ADARB2: variants seen among roughly 807,000 people sequenced by gnomAD.
ADARB2 encodes the protein inactive double-stranded RNA-specific editase B2.
Under a neutral mutation model 62.2 loss-of-function variants are expected in ADARB2, and 25 were observed. The observed-to-expected ratio is 0.40, with a 90% confidence interval of 0.29 to 0.56. ADARB2 has a LOEUF of 0.56. Ranked by LOEUF, ADARB2 falls within the 20% of genes least tolerant of loss-of-function variation. The probability of loss-of-function intolerance (pLI) is 0.43; values close to 1 mark genes in which losing one functional copy is unlikely to be tolerated. For synonymous variants in ADARB2, 572 were observed against 500.8 expected (o/e 1.14, Z -1.90); for missense variants, 1,071 against 1,077.4 (o/e 0.99, Z 0.08).
At chr10:1,362,391 C>T (rs1415057789) in intron 3 of ADARB2, among the ~76,000 whole-genome samples, 1 of 152,216 alleles carries the variant, frequency 6.6e-6, no homozygotes, top group Non-Finnish European at 1.5e-5. Flanking sequence ...TTGCTCAAGG[C>T]GCCAAGAACC....
At position 1,404,429 on chromosome 10, in the gene ADARB2, G is replaced by T. The variant is rs116043650; in HGVS notation, c.101-25269C>A. Among the ~76,000 whole-genome samples, 858 of 152,370 alleles carry T rather than the reference G, an allele frequency of 5.6e-3. 5 individuals are homozygous for T. The highest frequency in any genetic ancestry group is 0.019 in the African/African-American group (795 of 41,590). On this transcript the variant is annotated intron_variant, in intron 1 of 9. Transcript: ENST00000381312. ...CTGCAGAGATGCTGCCCATTTGCCG[G>T]CTGCCATCCAGCAGACGCCAGGGAG...
intron 1 of ADARB2, among the ~76,000 whole-genome samples, chr10:1,694,279 T>A (rs1834710150): frequency 6.6e-6 from 1 of 152,262 alleles, no homozygotes; most frequent in African/African-American, 2.4e-5. Flanking sequence ...TTTTTGAAAT[T>A]CATGCTTAAA....
chr10:1,500,939 A>G (rs187524410), intron 1 of ADARB2, among the ~76,000 whole-genome samples: 50 of 152,290 alleles, frequency 3.3e-4, no homozygotes, highest in East Asian at 1.5e-3. Flanking sequence ...CAGAAGCCCA[A>G]TCTGTGCTCA....
At chr10:1,471,539 C>T (rs576604180) in intron 1 of ADARB2, among the ~76,000 whole-genome samples, 37 of 152,204 alleles carry the variant, frequency 2.4e-4, no homozygotes, top group African/African-American at 7.5e-4. Flanking sequence ...TACAGGCATA[C>T]GCCACCATGC....
intron 5 of ADARB2, among the ~76,000 whole-genome samples, chr10:1,235,229 A>T (rs190060006): frequency 7.0e-5 from 10 of 143,052 alleles, no homozygotes; most frequent in African/African-American, 2.4e-4. Context: ...AAAGAGCTGT[A>T]GGAAGGCCTG....
chr10:1,622,520 A>G lies in ADARB2; in HGVS notation c.100+114531T>C, dbSNP rs111505216. Reference sequence around the variant, plus strand: ...CAAGAATCCAGTAAAAAGGAGTAAAATTTTGAACAGTCATGCCACTAAAGA... The same window carrying G: ...CAAGAATCCAGTAAAAAGGAGTAAAGTTTTGAACAGTCATGCCACTAAAGA... On this transcript the variant is annotated intron_variant, in intron 1 of 9. Transcript: ENST00000381312. Among the ~76,000 whole-genome samples the G allele has an allele frequency of 6.4e-3, 973 of 152,310 alleles. 16 individuals carry two copies. The highest frequency in any genetic ancestry group is 0.022 in the African/African-American group (928 of 41,574).
At chr10:1,723,296 G>A (rs1588367226) in intron 1 of ADARB2, among the ~76,000 whole-genome samples, 1 of 152,164 alleles carries the variant, frequency 6.6e-6, no homozygotes, top group East Asian at 1.9e-4. Flanking sequence ...CCTGAGTTTT[G>A]TGCTCCTGTC....
chr10:1,600,918 C>A (rs2676742), intron 1 of ADARB2, among the ~76,000 whole-genome samples: 1 of 152,250 alleles, frequency 6.6e-6, no homozygotes, highest in East Asian at 1.9e-4. Context: ...GCAGCCAGCA[C>A]GCAGCTCCTC....
rs1378968233 is a variant in ADARB2, at chr10:1,737,072, T to G, written c.79A>C (p.Arg27=). 5.0e-6 allele frequency: 8 copies of G among 1,611,516 alleles called. 1 individual carries two copies. The highest frequency in any genetic ancestry group is 3.3e-4 in the Middle Eastern group (2 of 6,060). The change falls in exon 1 of 10, where the codon AGG becomes CGG. Residue 27 remains arginine (R), a synonymous_variant. Coordinates refer to ENST00000381312, the MANE Select transcript of ADARB2 (RefSeq NM_018702.4). ...TTACCTTTCCGCTTGGACCTCCGCC[T>G]CCTCCTCCTCTTGGACTTGCATTTG... The part of the protein sequence containing the change: ...QLKCKSKRRR[R]RRSKRKDKVS...
chr10:1,275,207 C>A (rs972934828), intron 3 of ADARB2, among the ~76,000 whole-genome samples: 1 of 152,246 alleles, frequency 6.6e-6, no homozygotes, highest in Non-Finnish European at 1.5e-5. Flanking sequence ...GCATGGCCAG[C>A]AGATGCCAGG....
chr10:1,375,721 G>A (rs943092652), intron 2 of ADARB2, among the ~76,000 whole-genome samples: 1 of 152,172 alleles, frequency 6.6e-6, no homozygotes, highest in Non-Finnish European at 1.5e-5. Flanking sequence ...TGACATATGT[G>A]CGTGCACACA....
intron 1 of ADARB2, among the ~76,000 whole-genome samples, chr10:1,472,305 C>G (rs181463330): frequency 6.6e-6 from 1 of 152,222 alleles, no homozygotes; most frequent in African/African-American, 2.4e-5. Flanking sequence ...AGGAACTGCC[C>G]AAGCAGAGAC....
At chr10:1,407,297 G>A (rs916836620) in intron 1 of ADARB2, among the ~76,000 whole-genome samples, 1 of 152,146 alleles carries the variant, frequency 6.6e-6, no homozygotes, top group African/African-American at 2.4e-5. Flanking sequence ...CTCCTGTGCT[G>A]TCCTCTGTCT....
intron 1 of ADARB2, among the ~76,000 whole-genome samples, chr10:1,709,454 C>T (rs1412277581): frequency 6.6e-6 from 1 of 152,196 alleles, no homozygotes; most frequent in Admixed American, 6.5e-5. Context: ...GATTTGAATT[C>T]CAATGAGCAA....
intron 1 of ADARB2, among the ~76,000 whole-genome samples, chr10:1,642,852 A>C (rs368841119): frequency 6.8e-4 from 104 of 152,340 alleles, no homozygotes; most frequent in African/African-American, 2.5e-3. Flanking sequence ...CTTGGCTGTG[A>C]ACTGCAGGCA....
rs143852717 is a variant in ADARB2, at chr10:1,622,089, T to C, written c.100+114962A>G. On this transcript the variant is annotated intron_variant, in intron 1 of 9. Transcript: ENST00000381312. The stretch of plus-strand genomic sequence containing the variant: ...ATTCCTCCAAAGGTACTAAGAAATT[T>C]CAATGGGGAAAGGATACTCTTTTCA... 7.2e-5 allele frequency among the ~76,000 whole-genome samples: 11 copies of C among 152,306 alleles called. No individual in the cohort carries two copies. The East Asian group carries it at 2.1e-3, about 29-fold the overall frequency.
At chr10:1,409,399 G>A (rs58381255) in intron 1 of ADARB2, among the ~76,000 whole-genome samples, 30,048 of 152,226 alleles carry the variant, frequency 0.2, 3,470 homozygotes, top group East Asian at 0.45. Context: ...TGCGTGGGGC[G>A]TGTGGCTTGG....
chr10:1,561,354 A>G (rs933587954), intron 1 of ADARB2, among the ~76,000 whole-genome samples: 43 of 152,162 alleles, frequency 2.8e-4, no homozygotes, highest in African/African-American at 1.0e-3. Context: ...ATTTATTTTC[A>G]TCAGTCCCAA....
intron 1 of ADARB2, among the ~76,000 whole-genome samples, chr10:1,425,050 C>T (rs1195240620): frequency 3.3e-5 from 5 of 152,230 alleles, no homozygotes; most frequent in African/African-American, 7.2e-5. Context: ...TCCTGGGGTG[C>T]GTGCGTGGAA....
Sources: gnomAD v4.1 joint callset for allele counts (sites outside exome capture counted in the v4.1 genomes callset) on GRCh38, gnomAD v4.1.1 for gene constraint, MANE v1.5 for transcripts, NCBI Gene and HGNC (gene_info 2026-07-23, HGNC 2026-07-21) for gene names.